Variants in TAF1 observed in about 807,000 individuals in gnomAD.
TAF1 encodes the protein transcription initiation factor TFIID subunit 1.
TAF1 carries 2 observed loss-of-function variants against 138.5 expected under a neutral mutation model. That is an observed-to-expected ratio of 0.01 (90% CI 0.01 to 0.05). The LOEUF (loss-of-function observed/expected upper bound fraction) is 0.05, where lower values mean the gene tolerates loss of function less well. Among genes scored for constraint, TAF1 ranks in the 10% least tolerant of loss-of-function variants. TAF1 has a pLI of 1.00. For synonymous variants in TAF1, 437 were observed against 503.2 expected (o/e 0.87, Z 1.76); for missense variants, 709 against 1,478.0 (o/e 0.48, Z 8.53).
chrX:71,489,066 G>GAA (rs752683098), intron 13 of TAF1, among the ~76,000 whole-genome samples: 3 of 85,357 alleles, frequency 3.5e-5, no homozygotes, highest in South Asian at 5.6e-4. Context: ...GACTCTGTCT[G>GAA]AAAAAAAAAA....
At chrX:71,378,481 A>T (rs772270770) in intron 7 of TAF1, 28 bp downstream of exon 7, 2 of 1,196,487 alleles carry the variant, frequency 1.7e-6, no homozygotes, top group Non-Finnish European at 2.3e-6. Flanking sequence ...GTAAGAAAGG[A>T]ATCAATGTAC....
chrX:71,506,170 A>G (rs2147593592), intron 13 of TAF1, among the ~76,000 whole-genome samples: 1 of 108,795 alleles, frequency 9.2e-6, no homozygotes, highest in South Asian at 4.0e-4. Flanking sequence ...ATTGTATTCC[A>G]GCCTGGACAA....
intron 32 of TAF1, among the ~76,000 whole-genome samples, chrX:71,425,998 A>T (rs1303465941): frequency 2.7e-5 from 3 of 109,333 alleles, no homozygotes; most frequent in Non-Finnish European, 1.9e-5. Flanking sequence ...GGTAGCTCAC[A>T]CCTGTGATCC....
chrX:71,424,349 C>G, intron 32 of TAF1, 111 bp downstream of exon 32: 1 of 538,386 alleles, frequency 1.9e-6, no homozygotes. Context: ...TGCTCTCTTA[C>G]CCAGGCTGGA....
At chrX:71,483,399 G>T (rs2039107116) in intron 13 of TAF1, among the ~76,000 whole-genome samples, 1 of 107,643 alleles carries the variant, frequency 9.3e-6, no homozygotes, top group East Asian at 2.9e-4. Flanking sequence ...TCTAATTCCA[G>T]TTCTCTTGCT....
Position 71,382,821 on chromosome X carries a change from C to G in TAF1, c.1726C>G (p.Pro576Ala). ...TCTCTCCAATGATGAGTATTATTATCCCAAGCAACAGGGTCTTCGAGGCAC... is the reference window on the plus strand; with the variant it reads ...TCTCTCCAATGATGAGTATTATTATGCCAAGCAACAGGGTCTTCGAGGCAC... ...WNLSNDEYYY[P>A]KQQGLRGTFG... The change falls in exon 11 of 38, where the codon CCC becomes GCC. Residue 576 changes from proline (P) to alanine (A), a missense_variant. Coordinates refer to ENST00000423759, the MANE Select transcript of TAF1 (RefSeq NM_004606.5). 1 of 1,210,172 alleles carries G rather than the reference C, an allele frequency of 8.3e-7. No individual in the cohort carries two copies. Among genetic ancestry groups the G allele is most frequent in the Non-Finnish European group, 1.1e-6 (1 of 894,968 alleles).
chrX:71,456,929 A>G (rs1228880417), intron 34 of TAF1, among the ~76,000 whole-genome samples: 1 of 109,991 alleles, frequency 9.1e-6, no homozygotes, highest in Non-Finnish European at 1.9e-5. Flanking sequence ...CGGCCTCCCA[A>G]AGTGCTGGGA....
chrX:71,500,662 C>T (rs1173261458), intron 13 of TAF1, among the ~76,000 whole-genome samples: 1 of 106,498 alleles, frequency 9.4e-6, no homozygotes, highest in Admixed American at 1.0e-4. Context: ...AGAGGACCGA[C>T]GAAGGTCGGA....
At chrX:71,386,725 A>G (rs1381311163) in intron 14 of TAF1, among the ~76,000 whole-genome samples, 2 of 112,945 alleles carry the variant, frequency 1.8e-5, no homozygotes, top group African/African-American at 3.2e-5. Context: ...TCGGCTTCCC[A>G]AAGTGCTGAG....
Position 71,398,361 on chromosome X carries a change from C to T in TAF1, c.3621-211C>T, listed in dbSNP as rs757664131. Among the ~76,000 whole-genome samples, 17 of 110,373 alleles carry T rather than the reference C, an allele frequency of 1.5e-4. No individual in the cohort carries two copies. In the East Asian group the frequency reaches 4.3e-3, roughly 28 times the overall value. The stretch of plus-strand genomic sequence containing the variant: ...TCAAGAAAGAAAAAAAAAAAAAAAC[C>T]TTAGAGATTACTCAGGACTTATTCT... On this transcript the variant is annotated intron_variant, in intron 23 of 37. Coordinates refer to ENST00000423759, the MANE Select transcript of TAF1 (RefSeq NM_004606.5).
At chrX:71,422,534 C>T (rs1368412131) in intron 29 of TAF1, among the ~76,000 whole-genome samples, 1 of 103,630 alleles carries the variant, frequency 9.6e-6, no homozygotes, top group Non-Finnish European at 2.0e-5. Context: ...CCATGTTGGC[C>T]AGGCTGGTCT....
rs751215252 is a variant in TAF1, at chrX:71,471,635, A to G, written c.1366+10832A>G. On this transcript the variant is annotated intron_variant and NMD_transcript_variant, in intron 13 of 14. Coordinates refer to the TAF1 transcript ENST00000373775. ...GGCATTTGGAACAAAGAATTGGACA[A>G]AAGGCACAAACAAAGCAAGGAAAGA... is the stretch of plus-strand genomic sequence containing the variant. 2.7e-5 allele frequency among the ~76,000 whole-genome samples: 3 copies of G among 109,981 alleles called. No homozygotes were observed. The East Asian group carries it at 8.6e-4, about 32-fold the overall frequency.
At chrX:71,459,791 A>C (rs1459670522) in intron 36 of TAF1, 83 bp downstream of exon 36, 2 of 1,155,666 alleles carry the variant, frequency 1.7e-6, no homozygotes, top group African/African-American at 3.6e-5. Context: ...TCTTGGCCAC[A>C]TATGCTTTTA....
chrX:71,379,411 G>A (rs1240399017), intron 8 of TAF1, among the ~76,000 whole-genome samples: 3 of 108,130 alleles, frequency 2.8e-5, no homozygotes, highest in Non-Finnish European at 3.8e-5. Flanking sequence ...CACCACGCCC[G>A]GCTGGCTGTG....
At position 71,456,649 on chromosome X, in the gene TAF1, CTTTTTTTTTTTTTTTTTTTTTTTTTT is replaced by C. The variant is rs776321706; in HGVS notation, c.4939-1574_4939-1549del. 5.2e-3 allele frequency among the ~76,000 whole-genome samples: 140 copies of C among 26,825 alleles called. 1 individual carries two copies. Among genetic ancestry groups the C allele is most frequent in the African/African-American group, 0.019 (120 of 6,185 alleles). The allele number at this position is 26,825 out of a possible 115,157, so 23.3% of individuals were successfully genotyped here. On this transcript the variant is annotated intron_variant, in intron 34 of 37. Coordinates refer to ENST00000423759, the MANE Select transcript of TAF1 (RefSeq NM_004606.5). Reference sequence around the variant, plus strand: ...ATGGTGGTGGTCAATAATGTATTTTCTTTTTTTTTTTTTTTTTTTTTTTTTTTTTTTTTTTTTTTTTTTGAGACCGA... The same window carrying C: ...ATGGTGGTGGTCAATAATGTATTTTCTTTTTTTTTTTTTTTTTGAGACCGA...
chrX:71,501,997 T>C (rs2039518295), intron 13 of TAF1, among the ~76,000 whole-genome samples: 1 of 111,224 alleles, frequency 9.0e-6, no homozygotes, highest in Non-Finnish European at 1.9e-5. Flanking sequence ...TTTGCGGTGT[T>C]ACAGCTCTTA....
chrX:71,393,224 T>TTGTGTGTGTGTGTGTGTG (rs201372159), intron 20 of TAF1, 77 bp from the exon 21 acceptor site: 5 of 955,871 alleles, frequency 5.2e-6, no homozygotes, highest in African/African-American at 4.6e-5. Flanking sequence ...CCTGAATGAT[T>TTGTGTGTGTGTGTGTGTG]TGTGTGTGTG....
At chrX:71,447,419 T>C (rs990397283) in intron 32 of TAF1, among the ~76,000 whole-genome samples, 2 of 110,827 alleles carry the variant, frequency 1.8e-5, no homozygotes, top group African/African-American at 6.6e-5. Flanking sequence ...TTAGCAGCAA[T>C]AGGTTGGGCG....
chrX:71,377,702 C>G lies in TAF1; in HGVS notation c.814C>G (p.Gln272Glu), dbSNP rs373040087. 1 of 1,211,587 alleles carries G rather than the reference C, an allele frequency of 8.3e-7. No homozygotes were observed. Among genetic ancestry groups the G allele is most frequent in the Non-Finnish European group, 1.1e-6 (1 of 895,501 alleles). Residue 272 changes from glutamine to glutamate, a missense_variant, in exon 6 of 38, where the codon CAG (glutamine) becomes GAG (glutamate). By Grantham distance (29) the Gln-to-Glu change is conservative (BLOSUM62 2). Coordinates refer to ENST00000423759, the MANE Select transcript of TAF1 (RefSeq NM_004606.5). ...KRKKKHRELI[Q>E]EEQIQEVECS... is the part of the protein sequence containing the mutation. Reference sequence around the variant, plus strand: ...GAAGAAGAAGCACCGTGAGCTGATACAGGAAGAGCAGATCCAGGAGGTGGA... The same window carrying G: ...GAAGAAGAAGCACCGTGAGCTGATAGAGGAAGAGCAGATCCAGGAGGTGGA...
Sources: gnomAD v4.1 joint callset for allele counts (sites outside exome capture counted in the v4.1 genomes callset) on GRCh38, gnomAD v4.1.1 for gene constraint, MANE v1.5 for transcripts, NCBI Gene and HGNC (gene_info 2026-07-23, HGNC 2026-07-21) for gene names.